Variants in ERI1 observed in about 807,000 individuals in gnomAD.
ERI1 encodes exoribonuclease 1.
In ERI1, 39 loss-of-function variants were observed where a neutral mutation model predicts 39.7. That is an observed-to-expected ratio of 0.98 (90% CI 0.76 to 1.28). The LOEUF (loss-of-function observed/expected upper bound fraction) is 1.28. ERI1 is among the 50% of genes most tolerant of loss of function. The pLI, the probability that ERI1 is intolerant of heterozygous loss-of-function variation, is 0.00. For synonymous variants in ERI1, 204 were observed against 149.6 expected (o/e 1.36, Z -2.65); for missense variants, 581 against 416.9 (o/e 1.39, Z -3.43).
At chr8:9,052,479 A>C (rs1003858908) in intron 3 of ERI1, among the ~76,000 whole-genome samples, 1 of 152,184 alleles carries the variant, frequency 6.6e-6, no homozygotes, top group African/African-American at 2.4e-5. Flanking sequence ...GATTCTGGCA[A>C]GGTACCGTCA....
chr8:9,080,604 G>A (rs1003418287), intron 3 of ERI1, among the ~76,000 whole-genome samples: 12 of 152,168 alleles, frequency 7.9e-5, no homozygotes, highest in Non-Finnish European at 1.3e-4. Flanking sequence ...CAAGGTTCAC[G>A]TTCACCCGTT....
rs114401248 is a variant in ERI1, at chr8:9,066,434, C to G, written n.299+45970C>G. On this transcript the variant is annotated intron_variant and non_coding_transcript_variant, in intron 3 of 3. Transcript: ENST00000518663. Reference sequence around the variant, plus strand: ...CTCTGCCAATAAAATGGGGACAATGCAAAGATGGCTTTTCAGAGCGGCCAG... The same window carrying G: ...CTCTGCCAATAAAATGGGGACAATGGAAAGATGGCTTTTCAGAGCGGCCAG... 3.2e-3 allele frequency among the ~76,000 whole-genome samples: 492 copies of G among 152,298 alleles called. 3 individuals carry two copies. Among genetic ancestry groups the G allele is most frequent in the African/African-American group, 0.011 (466 of 41,566 alleles).
chr8:9,004,170 C>T (rs2117163165), intron 1 of ERI1: 3 of 1,288,810 alleles, frequency 2.3e-6, no homozygotes, highest in Non-Finnish European at 3.0e-6. Flanking sequence ...CCTTTGGATC[C>T]TTGCAATTAT....
chr8:9,069,818 T>C (rs1798991899), intron 3 of ERI1, among the ~76,000 whole-genome samples: 1 of 152,216 alleles, frequency 6.6e-6, no homozygotes, highest in South Asian at 2.1e-4. Flanking sequence ...AAGGAAATGA[T>C]TATACTATTG....
chr8:9,063,728 G>T (rs1221734634), intron 3 of ERI1, among the ~76,000 whole-genome samples: 1 of 152,186 alleles, frequency 6.6e-6, no homozygotes, highest in Non-Finnish European at 1.5e-5. Context: ...TTTACAACAA[G>T]AATTATTTAG....
chr8:9,041,667 A>G (rs1000381877), intron 3 of ERI1, among the ~76,000 whole-genome samples: 1 of 152,238 alleles, frequency 6.6e-6, no homozygotes, highest in African/African-American at 2.4e-5. Flanking sequence ...ACCAAAACCT[A>G]TGAGACCTAG....
chr8:9,037,589 G>T (rs1050968322), downstream of ERI1, among the ~76,000 whole-genome samples: 1 of 151,888 alleles, frequency 6.6e-6, no homozygotes, highest in Non-Finnish European at 1.5e-5. Context: ...CACAATGGGT[G>T]CTTAGTTAAA....
intron 3 of ERI1, among the ~76,000 whole-genome samples, chr8:9,067,013 G>A (rs190259737): frequency 6.6e-6 from 1 of 152,270 alleles, no homozygotes; most frequent in East Asian, 1.9e-4. Flanking sequence ...CTATTGCTGT[G>A]TAAACCTGGC....
chr8:9,007,362 A>G (rs1046659107), intron 1 of ERI1, among the ~76,000 whole-genome samples: 10 of 152,212 alleles, frequency 6.6e-5, no homozygotes, highest in African/African-American at 2.4e-4. Flanking sequence ...AAATGAAGTC[A>G]GGTTAAAAAA....
chr8:9,034,653 C>T (rs187324205), downstream of ERI1, among the ~76,000 whole-genome samples: 1 of 151,954 alleles, frequency 6.6e-6, no homozygotes, highest in African/African-American at 2.4e-5. Context: ...TACCTATTCC[C>T]TGAGACACAA....
chr8:9,018,544 C>T (rs915533186), intron 5 of ERI1, 138 bp downstream of exon 5: 3 of 543,740 alleles, frequency 5.5e-6, no homozygotes, highest in Non-Finnish European at 9.7e-6. Flanking sequence ...AGTATTTTTC[C>T]TTTCACCTAA....
At chr8:9,052,120 A>G (rs1310254736) in intron 3 of ERI1, among the ~76,000 whole-genome samples, 2 of 152,206 alleles carry the variant, frequency 1.3e-5, no homozygotes, top group African/African-American at 4.8e-5. Flanking sequence ...CCGTTATTGT[A>G]CTGACCCTAT....
intron 3 of ERI1, among the ~76,000 whole-genome samples, chr8:9,075,072 C>T (rs553763612): frequency 7.6e-4 from 115 of 152,296 alleles, no homozygotes; most frequent in African/African-American, 2.6e-3. Context: ...GCCAAGATTC[C>T]CTGTTCGGTG....
chr8:9,049,336 C>CAAAAAAAAAAAAA, intron 3 of ERI1, among the ~76,000 whole-genome samples: 1 of 33,230 alleles, frequency 3.0e-5, no homozygotes, highest in Non-Finnish European at 5.3e-5. Context: ...ACTCCGTCTC[C>CAAAAAAAAAAAAA]AAAAAAAAAA....
intron 3 of ERI1, among the ~76,000 whole-genome samples, chr8:9,060,864 G>C (rs1052223795): frequency 6.6e-6 from 1 of 152,228 alleles, no homozygotes; most frequent in Non-Finnish European, 1.5e-5. Context: ...AATGACCCCA[G>C]CTTCTTTTGG....
At chr8:9,043,928 A>G (rs1272009993) in intron 3 of ERI1, among the ~76,000 whole-genome samples, 1 of 152,226 alleles carries the variant, frequency 6.6e-6, no homozygotes, top group African/African-American at 2.4e-5. Flanking sequence ...ATAGTTAACA[A>G]TGTAAAGTAA....
At chr8:9,013,222 G>T (rs957117531) in intron 3 of ERI1, among the ~76,000 whole-genome samples, 1 of 150,724 alleles carries the variant, frequency 6.6e-6, no homozygotes, top group Non-Finnish European at 1.5e-5. Context: ...ATCATGTTGC[G>T]CAGGCTGGTT....
At chr8:9,029,659 G>A (rs1797444494) in intron 6 of ERI1, 133 bp from the exon 7 acceptor site, 2 of 1,053,668 alleles carry the variant, frequency 1.9e-6, no homozygotes, top group African/African-American at 1.6e-5. Context: ...TATTTGAGTG[G>A]GGGTATTGCC....
In ERI1 at chr8:9,029,972, G is replaced by A; in HGVS notation, c.988G>A (p.Val330Met). The change falls in exon 7 of 7, where the codon GTG becomes ATG. Residue 330 changes from valine to methionine, a missense_variant. By Grantham distance (21) the Val-to-Met change is conservative. Transcript: ENST00000250263. Reference sequence around the variant, plus strand: ...AATGCATGCAGGACAGCTAATGAGTGTGTCCTCTTCCTTACCAATAGAGGG... The same window carrying A: ...AATGCATGCAGGACAGCTAATGAGTATGTCCTCTTCCTTACCAATAGAGGG... Reference protein sequence around the residue: ...EKMHAGQLMSVSSSLPIEGTP... With the variant: ...EKMHAGQLMSMSSSLPIEGTP... 6.2e-7 allele frequency: 1 copy of A among 1,614,106 alleles called. No individual in the cohort carries two copies. The highest frequency in any genetic ancestry group is 8.5e-7 in the Non-Finnish European group (1 of 1,179,994).
Sources: gnomAD v4.1 joint callset for allele counts (sites outside exome capture counted in the v4.1 genomes callset) on GRCh38, gnomAD v4.1.1 for gene constraint, MANE v1.5 for transcripts, NCBI Gene and HGNC (gene_info 2026-07-23, HGNC 2026-07-21) for gene names.